Variants in VAT1L observed in about 807,000 individuals in gnomAD.
VAT1L encodes vesicle amine transport 1 like.
In VAT1L, 34 loss-of-function variants were observed where a neutral mutation model predicts 44.1. The observed-to-expected ratio is 0.77, with a 90% CI of 0.59 to 1.03. The LOEUF (loss-of-function observed/expected upper bound fraction) is 1.03. Among genes scored for constraint, VAT1L ranks in the 50% least tolerant of loss-of-function variants. VAT1L has a pLI of 0.00. For missense variants in VAT1L, 615 were observed against 538.8 expected (o/e 1.14, Z -1.40); for synonymous variants, 253 against 202.2 (o/e 1.25, Z -2.13).
intron 1 of VAT1L, among the ~76,000 whole-genome samples, chr16:77,797,088 C>T (rs2015949298): frequency 6.6e-6 from 1 of 151,650 alleles, no homozygotes; most frequent in South Asian, 2.1e-4. Flanking sequence ...TATATCCACT[C>T]AACAAAACTG....
At chr16:77,918,126 G>A (rs929696057) in intron 7 of VAT1L, among the ~76,000 whole-genome samples, 1 of 152,154 alleles carries the variant, frequency 6.6e-6, no homozygotes, top group Non-Finnish European at 1.5e-5. Flanking sequence ...GCAAATTAAA[G>A]GCATTAAGGA....
intron 6 of VAT1L, among the ~76,000 whole-genome samples, chr16:77,880,960 G>A (rs1003349464): frequency 6.6e-6 from 1 of 152,090 alleles, no homozygotes; most frequent in Non-Finnish European, 1.5e-5. Flanking sequence ...AGTATTCCAT[G>A]GTGTATACGT....
intron 7 of VAT1L, among the ~76,000 whole-genome samples, chr16:77,911,704 C>T (rs1307434036): frequency 6.6e-6 from 1 of 152,114 alleles, no homozygotes; most frequent in Non-Finnish European, 1.5e-5. Context: ...CACGTGCAGA[C>T]TCTGGGTCCA....
intron 3 of VAT1L, among the ~76,000 whole-genome samples, chr16:77,839,474 T>TGCAGTGA (rs1393102334): frequency 7.5e-6 from 1 of 134,108 alleles, no homozygotes; most frequent in East Asian, 2.2e-4. Flanking sequence ...AGGCAGAGCT[T>TGCAGTGA]GCAGTGAGCC....
At chr16:77,904,589 A>G (rs1287807350) in intron 7 of VAT1L, among the ~76,000 whole-genome samples, 1 of 152,150 alleles carries the variant, frequency 6.6e-6, no homozygotes, top group African/African-American at 2.4e-5. Context: ...CTAATCCCTA[A>G]GTGCCTCCCA....
At chr16:77,801,267 C>G (rs1043226784) in intron 1 of VAT1L, 3 of 152,186 alleles carry the variant, frequency 2.0e-5, no homozygotes, top group African/African-American at 7.2e-5. Context: ...AACCTTCACG[C>G]AAGCTACAGA....
At chr16:77,834,874 G>C (rs1449998346) in intron 3 of VAT1L, among the ~76,000 whole-genome samples, 1 of 152,118 alleles carries the variant, frequency 6.6e-6, no homozygotes, top group Admixed American at 6.5e-5. Context: ...TTCTCAGTTT[G>C]CTCATTCACG....
chr16:77,864,761 G>C (rs1297706160), intron 4 of VAT1L, among the ~76,000 whole-genome samples: 1 of 152,106 alleles, frequency 6.6e-6, no homozygotes, highest in Middle Eastern at 3.2e-3. Context: ...GATGGTCTTA[G>C]TTTTCAGATT....
At chr16:77,921,585 G>A (rs891449234) in intron 7 of VAT1L, among the ~76,000 whole-genome samples, 20 of 152,150 alleles carry the variant, frequency 1.3e-4, no homozygotes, top group Admixed American at 7.9e-4. Context: ...AGGACCTTTC[G>A]TATCTATTTT....
intron 4 of VAT1L, among the ~76,000 whole-genome samples, chr16:77,869,046 GA>G (rs756921350): frequency 6.6e-6 from 1 of 151,980 alleles, no homozygotes; most frequent in Non-Finnish European, 1.5e-5. Flanking sequence ...GCACTGTTCA[GA>G]AAGGTGAAAC....
At position 77,931,415 on chromosome 16, in the gene VAT1L, A is replaced by G. The variant is rs891594522; in HGVS notation, c.1078-40435A>G. ...AGCAGCCTACATAGAAATAACTTTT[A>G]CATCAGATATTCCAAAATGTGTTTC... On this transcript the variant is annotated intron_variant, in intron 7 of 8. Coordinates refer to ENST00000302536, the MANE Select transcript of VAT1L (RefSeq NM_020927.3). Among the ~76,000 whole-genome samples the G allele has an allele frequency of 2.6e-5, 4 of 152,324 alleles. No individual in the cohort carries two copies. The East Asian group carries it at 5.8e-4, about 22-fold the overall frequency.
intron 7 of VAT1L, among the ~76,000 whole-genome samples, chr16:77,912,016 G>C (rs62042209): frequency 0.061 from 9,286 of 152,226 alleles, 340 homozygotes; most frequent in East Asian, 0.12. Flanking sequence ...TCTCATCTTG[G>C]ACCCCACAAT....
chr16:77,969,066 G>A (rs1051337964), intron 7 of VAT1L, among the ~76,000 whole-genome samples: 6 of 152,032 alleles, frequency 3.9e-5, no homozygotes, highest in Admixed American at 6.6e-5. Flanking sequence ...TGATCTTCCC[G>A]CCCTGGCCTC....
At chr16:77,897,619 G>A (rs990136651) in intron 7 of VAT1L, among the ~76,000 whole-genome samples, 9 of 152,142 alleles carry the variant, frequency 5.9e-5, no homozygotes, top group Middle Eastern at 6.8e-3. Context: ...TACAGGCGAC[G>A]CCAGCCACCA....
At chr16:77,828,142 G>A (rs1444601420) in intron 3 of VAT1L, among the ~76,000 whole-genome samples, 1 of 152,152 alleles carries the variant, frequency 6.6e-6, no homozygotes, top group African/African-American at 2.4e-5. Context: ...TGAACACTCC[G>A]CTGAGCCGGG....
intron 7 of VAT1L, among the ~76,000 whole-genome samples, chr16:77,893,255 G>A (rs1043899034): frequency 2.0e-5 from 3 of 152,156 alleles, no homozygotes; most frequent in African/African-American, 7.2e-5. Context: ...ATATAGGTAA[G>A]CCACCAACCA....
At chr16:77,873,146 A>C (rs1245554518) in intron 4 of VAT1L, among the ~76,000 whole-genome samples, 1 of 152,226 alleles carries the variant, frequency 6.6e-6, no homozygotes, top group Non-Finnish European at 1.5e-5. Flanking sequence ...TTCCATACTT[A>C]ATACTGGCTT....
intron 3 of VAT1L, among the ~76,000 whole-genome samples, chr16:77,840,023 C>A (rs2016688497): frequency 1.1e-5 from 1 of 94,740 alleles, no homozygotes; most frequent in South Asian, 2.7e-4. Flanking sequence ...CAAGCTGCTT[C>A]ATCTAAGACT....
In VAT1L at chr16:77,825,407, T is replaced by C; in HGVS notation, c.525T>C (p.Val175=). The C allele has an allele frequency of 6.2e-7, 1 of 1,612,140 alleles. No individual in the cohort carries two copies. Among genetic ancestry groups the C allele is most frequent in the South Asian group, 1.1e-5 (1 of 90,526 alleles). The change falls in exon 3 of 9, where the codon GTT becomes GTC. Residue 175 remains valine (V), a synonymous_variant. Transcript: ENST00000302536. The stretch of plus-strand genomic sequence containing the variant: ...CAGCCTATGTGATGCTGTTTGAAGT[T>C]GCCAACCTCCGGGAAGGGATGTCTG... ...FVTAYVMLFE[V]ANLREGMSVL...
Sources: allele counts gnomAD v4.1 joint callset (sites outside exome capture counted in the v4.1 genomes callset), GRCh38; gene constraint gnomAD v4.1.1; transcripts MANE v1.5; gene names NCBI Gene and HGNC (gene_info 2026-07-23, HGNC 2026-07-21).